The following KIAA1328 variants were observed in gnomAD, a reference collection of about 807,000 sequenced individuals.
KIAA1328 encodes protein hinderin.
Under a neutral mutation model 68.1 loss-of-function variants are expected in KIAA1328, and 52 were observed. That is an observed-to-expected ratio of 0.76 (90% CI 0.61 to 0.96). The LOEUF (loss-of-function observed/expected upper bound fraction) is 0.96. Among genes scored for constraint, KIAA1328 ranks in the 40% least tolerant of loss-of-function variants. The pLI is 0.00. For synonymous variants in KIAA1328, 232 were observed against 239.4 expected (o/e 0.97, Z 0.28); for missense variants, 641 against 677.6 (o/e 0.95, Z 0.60).
At chr18:37,193,619 C>T (rs189103774) in intron 9 of KIAA1328, 1 of 702,586 alleles carries the variant, frequency 1.4e-6, no homozygotes, top group South Asian at 1.5e-5. Flanking sequence ...GATCTGCTTC[C>T]TTTCAAATCA....
chr18:36,994,768 T>C (rs932587287), intron 6 of KIAA1328, among the ~76,000 whole-genome samples: 1 of 152,180 alleles, frequency 6.6e-6, no homozygotes, highest in African/African-American at 2.4e-5. Flanking sequence ...TAAAGCATAC[T>C]GTCTCCTTCT....
At chr18:36,978,788 T>C (rs991045588) in intron 6 of KIAA1328, among the ~76,000 whole-genome samples, 2 of 152,226 alleles carry the variant, frequency 1.3e-5, no homozygotes, top group African/African-American at 4.8e-5. Flanking sequence ...TACTTCAAGA[T>C]TGTAGTCCCA....
chr18:37,207,791 A>C (rs1019161434), intron 9 of KIAA1328, among the ~76,000 whole-genome samples: 1 of 152,184 alleles, frequency 6.6e-6, no homozygotes, highest in African/African-American at 2.4e-5. Context: ...AAGAGAACTC[A>C]TCATTCATTC....
chr18:36,915,733 A>G (rs2049668478), intron 5 of KIAA1328, among the ~76,000 whole-genome samples: 1 of 145,240 alleles, frequency 6.9e-6, no homozygotes, highest in Non-Finnish European at 1.6e-5. Flanking sequence ...TGCTCATGGT[A>G]TACATATACA....
intron 6 of KIAA1328, among the ~76,000 whole-genome samples, chr18:37,030,152 GTTTC>G (rs1162538393): frequency 2.0e-5 from 3 of 150,506 alleles, no homozygotes; most frequent in African/African-American, 7.3e-5. Flanking sequence ...TTTCTCTGTT[GTTTC>G]TTTTCTGTTT....
chr18:37,001,605 A>C (rs2053587354), intron 6 of KIAA1328, among the ~76,000 whole-genome samples: 1 of 152,184 alleles, frequency 6.6e-6, no homozygotes. Context: ...ACATAGACAC[A>C]AAAGTCCTCA....
At chr18:37,189,068 C>T (rs1027077262) in intron 9 of KIAA1328, among the ~76,000 whole-genome samples, 1 of 152,150 alleles carries the variant, frequency 6.6e-6, no homozygotes, top group African/African-American at 2.4e-5. Flanking sequence ...AAAACGAATT[C>T]TTTTCAGCTA....
chr18:36,874,938 CT>C (rs2048070137), intron 4 of KIAA1328, among the ~76,000 whole-genome samples: 1 of 152,120 alleles, frequency 6.6e-6, no homozygotes, highest in South Asian at 2.1e-4. Flanking sequence ...ATAGGAAATC[CT>C]TTCCCCATTG....
intron 7 of KIAA1328, among the ~76,000 whole-genome samples, chr18:37,136,978 A>G (rs896591233): frequency 3.3e-5 from 5 of 152,090 alleles, no homozygotes; most frequent in African/African-American, 9.7e-5. Context: ...TTTTTTCTTA[A>G]CTTTCCCTCA....
At chr18:37,207,568 C>G (rs2060239288) in intron 9 of KIAA1328, among the ~76,000 whole-genome samples, 1 of 152,192 alleles carries the variant, frequency 6.6e-6, no homozygotes, top group African/African-American at 2.4e-5. Flanking sequence ...TCTTATGTGT[C>G]TTGGGTTTTC....
chr18:37,192,634 G>A (rs138168041), intron 9 of KIAA1328, among the ~76,000 whole-genome samples: 7 of 152,120 alleles, frequency 4.6e-5, no homozygotes, highest in Non-Finnish European at 1.0e-4. Context: ...GTCCAACAGT[G>A]CTTGTCTCTC....
At chr18:36,848,540 G>GC (rs2047104423) in intron 4 of KIAA1328, among the ~76,000 whole-genome samples, 2 of 53,340 alleles carry the variant, frequency 3.7e-5, no homozygotes, top group Admixed American at 1.8e-4. Context: ...ATCTATAGAT[G>GC]CTTTTTTTTT....
rs772649672 is a variant in KIAA1328 at position 37,066,976 on chromosome 18, T to C, written c.663T>C (p.Tyr221=). 2.5e-6 allele frequency: 4 copies of C among 1,613,520 alleles called. No individual in the cohort carries two copies. Among genetic ancestry groups the C allele is most frequent in the East Asian group, 2.2e-5 (1 of 44,842 alleles). ...YLSIARPQTY[Y]QTKQRPKSAV... The stretch of plus-strand genomic sequence containing the variant: ...GCATAGCCAGACCACAGACCTACTA[T>C]CAAACCAAGCAAAGACCTAAGTCTG... Residue 221 remains tyrosine (Y), a synonymous_variant, in exon 7 of 10, where the codon TAT becomes TAC. Coordinates refer to ENST00000280020, the MANE Select transcript of KIAA1328 (RefSeq NM_020776.3).
chr18:36,836,617 T>C (rs541985589), intron 3 of KIAA1328, among the ~76,000 whole-genome samples: 4 of 152,158 alleles, frequency 2.6e-5, no homozygotes, highest in Non-Finnish European at 5.9e-5. Context: ...TCTCTTTTTT[T>C]TCAAATTGAG....
chr18:36,944,407 T>G (rs904941976), intron 5 of KIAA1328, among the ~76,000 whole-genome samples: 5 of 152,040 alleles, frequency 3.3e-5, no homozygotes, highest in African/African-American at 1.2e-4. Context: ...TGAAACCCCA[T>G]CTCTACTAAA....
chr18:37,080,448 A>G (rs1464771891), intron 7 of KIAA1328, among the ~76,000 whole-genome samples: 1 of 152,150 alleles, frequency 6.6e-6, no homozygotes. Flanking sequence ...AAACCATCAG[A>G]CAGTACCCAG....
At chr18:37,039,720 T>C (rs935458069) in intron 6 of KIAA1328, among the ~76,000 whole-genome samples, 2 of 152,188 alleles carry the variant, frequency 1.3e-5, no homozygotes, top group Admixed American at 1.3e-4. Context: ...CTGTTAGTTT[T>C]CTATGTGAAA....
intron 7 of KIAA1328, among the ~76,000 whole-genome samples, chr18:37,078,382 GA>G (rs1299547954): frequency 2.6e-5 from 4 of 151,860 alleles, no homozygotes; most frequent in Admixed American, 6.6e-5. Flanking sequence ...AACCCTAGAA[GA>G]AAACCTAGGC....
intron 7 of KIAA1328, among the ~76,000 whole-genome samples, chr18:37,152,574 G>T (rs2059059687): frequency 6.6e-6 from 1 of 152,090 alleles, no homozygotes; most frequent in African/African-American, 2.4e-5. Context: ...CCTTCGTTTT[G>T]TTGGGTAGCA....
Sources: allele counts gnomAD v4.1 joint callset (sites outside exome capture counted in the v4.1 genomes callset), GRCh38; gene constraint gnomAD v4.1.1; transcripts MANE v1.5; gene names NCBI Gene and HGNC (gene_info 2026-07-23, HGNC 2026-07-21).